The following NBEA variants were observed in gnomAD, a reference collection of about 807,000 sequenced individuals.
NBEA encodes the protein lysosomal-trafficking regulator 2.
A neutral mutation model predicts 343.4 loss-of-function variants in NBEA; 44 were observed. The ratio of observed to expected loss-of-function variants is 0.13; its 90% confidence interval spans 0.10 to 0.16. The LOEUF (loss-of-function observed/expected upper bound fraction) is 0.16. Ranked by LOEUF, NBEA falls within the 10% of genes least tolerant of loss-of-function variation. The probability of loss-of-function intolerance (pLI) is 1.00; values close to 1 mark genes in which losing one functional copy is unlikely to be tolerated. For missense variants in NBEA, 2,555 were observed against 3,631.3 expected (o/e 0.70, Z 7.62); for synonymous variants, 1,175 against 1,238.7 (o/e 0.95, Z 1.08).
chr13:35,507,099 A>C (rs1050141309), intron 41 of NBEA, among the ~76,000 whole-genome samples: 3 of 151,740 alleles, frequency 2.0e-5, no homozygotes, highest in Admixed American at 6.6e-5. Flanking sequence ...GTCACCAATG[A>C]CCTCCCTTTT....
At chr13:35,039,186 C>G (rs2062558326) in intron 1 of NBEA, among the ~76,000 whole-genome samples, 1 of 152,112 alleles carries the variant, frequency 6.6e-6, no homozygotes, top group Non-Finnish European at 1.5e-5. Flanking sequence ...TCTGTTCTCC[C>G]TTCACCAGCA....
At chr13:35,216,094 A>G (rs1255990104) in intron 33 of NBEA, among the ~76,000 whole-genome samples, 2 of 151,748 alleles carry the variant, frequency 1.3e-5, no homozygotes, top group African/African-American at 4.8e-5. Flanking sequence ...CATTATCAGA[A>G]TAGCTATTGC....
chr13:35,541,557 G>T (rs541828236), intron 41 of NBEA, among the ~76,000 whole-genome samples: 25 of 152,226 alleles, frequency 1.6e-4, no homozygotes, highest in African/African-American at 6.0e-4. Flanking sequence ...GGGCTTCGTA[G>T]TTAAGAGTTA....
chr13:35,211,391 C>G (rs1350672794), intron 33 of NBEA, among the ~76,000 whole-genome samples: 1 of 152,108 alleles, frequency 6.6e-6, no homozygotes, highest in Non-Finnish European at 1.5e-5. Context: ...TTAAAATGTT[C>G]ACTGTCGTAT....
At chr13:35,341,990 A>G (rs1193541560) in intron 36 of NBEA, among the ~76,000 whole-genome samples, 1 of 152,098 alleles carries the variant, frequency 6.6e-6, no homozygotes, top group African/African-American at 2.4e-5. Flanking sequence ...TGAGTTGGTA[A>G]ACAAACTATG....
intron 47 of NBEA, among the ~76,000 whole-genome samples, chr13:35,596,875 A>G (rs1435205715): frequency 6.6e-6 from 1 of 151,892 alleles, no homozygotes; most frequent in Non-Finnish European, 1.5e-5. Flanking sequence ...TGTGGAATTA[A>G]TGAATGCCAG....
In NBEA at chr13:35,520,765, A is replaced by G. The variant is rs183456006; in HGVS notation, c.6586-29712A>G. Among the ~76,000 whole-genome samples the G allele has an allele frequency of 1.0e-3, 154 of 152,286 alleles. 1 individual carries two copies. The highest frequency in any genetic ancestry group is 3.4e-3 in the African/African-American group (142 of 41,558). On this transcript the variant is annotated intron_variant, in intron 41 of 58. Coordinates refer to ENST00000379939, the MANE Select transcript of NBEA (RefSeq NM_001385012.1). ...AAAGAACACAGTCTTCTGGCGTCTCACAACTGTCCTCTCCCTTTAGCCCTC... is the reference window on the plus strand; with the variant it reads ...AAAGAACACAGTCTTCTGGCGTCTCGCAACTGTCCTCTCCCTTTAGCCCTC...
intron 13 of NBEA, among the ~76,000 whole-genome samples, chr13:35,116,395 T>C: frequency 6.6e-6 from 1 of 152,148 alleles, no homozygotes; most frequent in Admixed American, 6.5e-5. Context: ...ACATTGGCAA[T>C]ATTTTACAAT....
intron 34 of NBEA, among the ~76,000 whole-genome samples, chr13:35,269,619 G>A (rs980211766): frequency 2.6e-5 from 4 of 152,272 alleles, no homozygotes; most frequent in South Asian, 2.1e-4. Context: ...ACTGTAGGGT[G>A]TAAAATGTTT....
intron 35 of NBEA, among the ~76,000 whole-genome samples, chr13:35,303,411 A>G (rs989417463): frequency 2.6e-5 from 4 of 152,172 alleles, no homozygotes; most frequent in African/African-American, 9.7e-5. Flanking sequence ...AGACTGTAGC[A>G]GGTATTGATT....
chr13:35,642,766 C>T (rs1159252432), intron 49 of NBEA, among the ~76,000 whole-genome samples: 1 of 152,008 alleles, frequency 6.6e-6, no homozygotes, highest in Non-Finnish European at 1.5e-5. Flanking sequence ...CATTTACTGA[C>T]CTGTAAATTT....
At chr13:35,286,193 G>A (rs1243032956) in intron 34 of NBEA, among the ~76,000 whole-genome samples, 1 of 152,098 alleles carries the variant, frequency 6.6e-6, no homozygotes, top group East Asian at 1.9e-4. Context: ...CTGCCATGGT[G>A]TCAGGCACAT....
At chr13:35,429,800 CGTGTGTGTGTGT>C (rs60362511) in intron 38 of NBEA, among the ~76,000 whole-genome samples, 6 of 140,278 alleles carry the variant, frequency 4.3e-5, no homozygotes, top group African/African-American at 1.1e-4. Context: ...GAGTCCCCAA[CGTGTGTGTGTGT>C]GTGTGTGTGT....
At chr13:35,179,720 G>A (rs1593632919) in intron 28 of NBEA, 1 of 953,970 alleles carries the variant, frequency 1.0e-6, no homozygotes, top group Admixed American at 6.2e-5. Context: ...CTGGTACTGA[G>A]TTTCTAGTGT....
chr13:35,508,284 T>A (rs1712966386), intron 41 of NBEA, among the ~76,000 whole-genome samples: 2 of 152,176 alleles, frequency 1.3e-5, no homozygotes. Context: ...AGGGACAGAA[T>A]GCTGGCAAGA....
intron 28 of NBEA, among the ~76,000 whole-genome samples, chr13:35,180,917 T>TG (rs1364481645): frequency 1.3e-5 from 2 of 151,782 alleles, no homozygotes; most frequent in African/African-American, 4.8e-5. Context: ...TGAGAACATA[T>TG]GATGGTTTTC....
rs141640261 is a variant in NBEA at position 35,316,560 on chromosome 13, A to C, written c.5903+6968A>C. Among the ~76,000 whole-genome samples, 1,141 of 152,336 alleles carry C rather than the reference A, an allele frequency of 7.5e-3. 18 individuals carry two copies. The highest frequency in any genetic ancestry group is 0.026 in the African/African-American group (1,087 of 41,578). ...TCTTTGCTATTGTCAACAGTGCTGCAGTAAACATATGTGTGCATGTGTGTT... is the reference window on the plus strand; with the variant it reads ...TCTTTGCTATTGTCAACAGTGCTGCCGTAAACATATGTGTGCATGTGTGTT... On this transcript the variant is annotated intron_variant, in intron 36 of 58. Coordinates refer to ENST00000379939, the MANE Select transcript of NBEA (RefSeq NM_001385012.1).
chr13:35,018,913 G>A (rs2061741466), intron 1 of NBEA, among the ~76,000 whole-genome samples: 1 of 152,062 alleles, frequency 6.6e-6, no homozygotes. Context: ...ATCTGGTTGA[G>A]GAAATTCTAT....
chr13:35,652,969 C>G (rs965183869), intron 53 of NBEA, among the ~76,000 whole-genome samples: 2 of 151,972 alleles, frequency 1.3e-5, no homozygotes, highest in Non-Finnish European at 2.9e-5. Context: ...GCTGGGATTA[C>G]AGGCGTGAGC....
Sources: allele counts gnomAD v4.1 joint callset (sites outside exome capture counted in the v4.1 genomes callset), GRCh38; gene constraint gnomAD v4.1.1; transcripts MANE v1.5; gene names NCBI Gene and HGNC (gene_info 2026-07-23, HGNC 2026-07-21).